The following MYH14 variants were observed in gnomAD, a reference collection of about 807,000 sequenced individuals.
MYH14 encodes the protein myosin heavy chain 14.
A neutral mutation model predicts 255.5 loss-of-function variants in MYH14; 123 were observed. The observed-to-expected ratio is 0.48, with a 90% CI of 0.42 to 0.56. MYH14 has a LOEUF of 0.56. MYH14 is among the 20% of genes least tolerant of loss of function. The pLI is 0.00. For synonymous variants in MYH14, 1,095 were observed against 1,161.2 expected, an observed-to-expected ratio of 0.94 and a Z score of 1.16; for missense variants, 2,423 against 2,802.3, an observed-to-expected ratio of 0.86 and a Z score of 3.06.
chr19:50,211,029 A>G (rs2032168951), intron 2 of MYH14, among the ~76,000 whole-genome samples: 1 of 152,224 alleles, frequency 6.6e-6, no homozygotes. Context: ...AAACGTTCCA[A>G]TTTCTCAGAT....
chr19:50,246,836 A>T (rs939995040), intron 11 of MYH14, among the ~76,000 whole-genome samples, 168 bp from the exon 12 acceptor site: 4 of 152,070 alleles, frequency 2.6e-5, no homozygotes, highest in African/African-American at 9.7e-5. Flanking sequence ...GAAAAAAAAT[A>T]GTTGGGCAGA....
At chr19:50,299,091 G>A (rs1341821296) in intron 39 of MYH14, among the ~76,000 whole-genome samples, 1 of 151,568 alleles carries the variant, frequency 6.6e-6, no homozygotes, top group East Asian at 1.9e-4. Flanking sequence ...CCTGTCTCCA[G>A]AAAACAAAAA....
At chr19:50,297,247 G>A (rs1282661896) in intron 39 of MYH14, among the ~76,000 whole-genome samples, 2 of 151,888 alleles carry the variant, frequency 1.3e-5, no homozygotes, top group African/African-American at 4.8e-5. Context: ...GCCTCCCAAA[G>A]TGCTGGGATT....
intron 39 of MYH14, among the ~76,000 whole-genome samples, chr19:50,296,631 G>T (rs1349710607): frequency 6.6e-6 from 1 of 152,138 alleles, no homozygotes; most frequent in African/African-American, 2.4e-5. Flanking sequence ...GAAAAGAAGA[G>T]AAATGAAACT....
At chr19:50,275,081 C>T (rs1212735827) in intron 27 of MYH14, among the ~76,000 whole-genome samples, 1 of 152,132 alleles carries the variant, frequency 6.6e-6, no homozygotes, top group Non-Finnish European at 1.5e-5. Flanking sequence ...TTATTTTTAT[C>T]GCCATCTCCC....
chr19:50,293,305 A>G lies in MYH14; in HGVS notation c.5329A>G (p.Asn1777Asp). ...DRDEMADEVA[N>D]GNLSKAAILE... The stretch of plus-strand genomic sequence containing the variant: ...GGATGAGATGGCAGATGAGGTGGCC[A>G]ATGGTAACCTTAGCAAGTAAGTGCC... The change falls in exon 38 of 43, where the codon AAT (asparagine) becomes GAT (aspartate). Residue 1777 changes from asparagine (N) to aspartate (D), a missense_variant. This residue lies in a region of MYH14 where 1,513 missense variants were observed against 1,674.8 expected (regional missense o/e 0.90). Transcript: ENST00000642316. This position sits in a 1 kb window ranked among gnomAD's most constrained non-coding sequence, Gnocchi z 4.1. 6.2e-7 allele frequency: 1 copy of G among 1,606,712 alleles called. No homozygotes were observed. The highest frequency in any genetic ancestry group is 8.5e-7 in the Non-Finnish European group (1 of 1,176,876).
intron 40 of MYH14, among the ~76,000 whole-genome samples, chr19:50,303,803 C>T (rs1454486133): frequency 6.6e-6 from 1 of 152,170 alleles, no homozygotes; most frequent in Non-Finnish European, 1.5e-5. Flanking sequence ...CATCCATGTT[C>T]AGAGACAGGA....
rs3826772 is a variant in MYH14, at chr19:50,301,881, C to G, written c.5678+12C>G. ...GAGCAAGAGACCAGGTAGGTGAGAG[C>G]GGAGGCCACAGGAGAAAGGTGACCT... On this transcript the variant is annotated intron_variant, in intron 40 of 42. Transcript: ENST00000642316. The G allele has an allele frequency of 1.2e-6, 2 of 1,602,198 alleles. No homozygotes were observed. Among genetic ancestry groups the G allele is most frequent in the South Asian group, 2.2e-5 (2 of 89,656 alleles).
At chr19:50,233,568 T>C (rs2033510154) in intron 10 of MYH14, among the ~76,000 whole-genome samples, 1 of 152,170 alleles carries the variant, frequency 6.6e-6, no homozygotes, top group Non-Finnish European at 1.5e-5. Flanking sequence ...ACAAACCTAG[T>C]GCCTAAAACA....
chr19:50,260,783 G>GCA, intron 20 of MYH14, 68 bp downstream of exon 20: 1 of 1,204,276 alleles, frequency 8.3e-7, no homozygotes. Context: ...GTGCGTGCAT[G>GCA]TGTGTGTGCA....
chr19:50,309,362 C>T, intron 42 of MYH14, 185 bp downstream of exon 42: 1 of 643,678 alleles, frequency 1.6e-6, no homozygotes, highest in Non-Finnish European at 2.8e-6. Context: ...TTCCCACACC[C>T]ATTTCTCCCT....
At chr19:50,234,958 T>C (rs991683268) in intron 10 of MYH14, among the ~76,000 whole-genome samples, 1 of 152,152 alleles carries the variant, frequency 6.6e-6, no homozygotes, top group Non-Finnish European at 1.5e-5. Flanking sequence ...ATTTTAAGAA[T>C]ATAAGAAAAG....
chr19:50,242,521 G>A (rs769601082), intron 10 of MYH14, among the ~76,000 whole-genome samples: 4 of 152,208 alleles, frequency 2.6e-5, no homozygotes, highest in South Asian at 2.1e-4. Context: ...AGAACAGTAT[G>A]GGGGAAACAG....
intron 39 of MYH14, among the ~76,000 whole-genome samples, chr19:50,294,567 A>C (rs749490275): frequency 7.3e-5 from 11 of 151,216 alleles, no homozygotes; most frequent in Non-Finnish European, 1.5e-4. Context: ...TTTTCTCTAC[A>C]AAATATTTAA....
chr19:50,241,395 A>G (rs982113182), intron 10 of MYH14, among the ~76,000 whole-genome samples: 2 of 152,134 alleles, frequency 1.3e-5, no homozygotes, highest in South Asian at 2.1e-4. Context: ...AGATTGTGCC[A>G]CTGCACTCCA....
At chr19:50,269,685 A>G (rs957190427) in intron 24 of MYH14, among the ~76,000 whole-genome samples, 2 of 152,178 alleles carry the variant, frequency 1.3e-5, no homozygotes, top group Admixed American at 6.5e-5. Context: ...TGTCACAACA[A>G]CAGGTGGAGG....
intron 2 of MYH14, among the ~76,000 whole-genome samples, chr19:50,216,801 CTTTTTTTTTTTTTT>C (rs200626930): frequency 0.31 from 35,313 of 113,528 alleles, 5,282 homozygotes; most frequent in East Asian, 0.43. Flanking sequence ...TCCATCCTTT[CTTTTTTTTTTTTTT>C]TTTTTTTTTT....
At chr19:50,299,831 G>A (rs1320197783) in intron 39 of MYH14, among the ~76,000 whole-genome samples, 1 of 151,084 alleles carries the variant, frequency 6.6e-6, no homozygotes, top group African/African-American at 2.4e-5. Flanking sequence ...TGTAATCCCA[G>A]CTACTCAGGA....
intron 16 of MYH14, 70 bp from the exon 17 acceptor site, chr19:50,255,150 A>G: frequency 1.0e-6 from 1 of 984,008 alleles, no homozygotes; most frequent in East Asian, 2.6e-5. Flanking sequence ...CCCTCTTTTC[A>G]TGCATCTCTC....
Sources: gnomAD v4.1 joint callset for allele counts (sites outside exome capture counted in the v4.1 genomes callset) on GRCh38, gnomAD v4.1.1 for gene constraint, gnomAD v4.1.1 regional missense constraint, Gnocchi (gnomAD v3.1) non-coding constraint, MANE v1.5 for transcripts, NCBI Gene and HGNC (gene_info 2026-07-23, HGNC 2026-07-21) for gene names.